Variants in EPN1 observed in about 807,000 individuals in gnomAD.
EPN1 encodes the protein epsin 1.
Under a neutral mutation model 56.9 loss-of-function variants are expected in EPN1, and 25 were observed. The observed-to-expected ratio is 0.44, with a 90% CI of 0.32 to 0.61. The LOEUF is 0.61. Among genes scored for constraint, EPN1 ranks in the 20% least tolerant of loss-of-function variants. EPN1 has a pLI of 0.05. For missense variants in EPN1, 785 were observed against 823.7 expected, an observed-to-expected ratio of 0.95 and a Z score of 0.58; for synonymous variants, 411 against 361.8, an observed-to-expected ratio of 1.14 and a Z score of -1.54.
chr19:55,678,551 C>T lies in EPN1; in HGVS notation c.-77C>T, dbSNP rs750752386. 9.7e-6 allele frequency: 15 copies of T among 1,547,504 alleles called. No individual in the cohort carries two copies. Among genetic ancestry groups the T allele is most frequent in the Admixed American group, 5.9e-5 (3 of 51,150 alleles). On this transcript the variant is annotated 5_prime_UTR_variant, in exon 2 of 11. Transcript: ENST00000270460. ...GATGCGGTGACCTGCCAGCACCTGC[C>T]GCAGCCTTCGTCCGGGAGTCGCCCC...
rs1282129137 is a variant in EPN1 at position 55,689,018 on chromosome 19, G to A, written c.603+24G>A. Reference sequence around the variant, plus strand: ...AGGTACTGGGCGTGCAGCTGGGGCTGTCTGTCCGCCACCCGCCTCCACGCC... The same window carrying A: ...AGGTACTGGGCGTGCAGCTGGGGCTATCTGTCCGCCACCCGCCTCCACGCC... On this transcript the variant is annotated intron_variant, in intron 4 of 10. Transcript: ENST00000270460. The surrounding 1 kb of genome is among the most constrained non-coding windows in gnomAD (Gnocchi z 5.7). The A allele has an allele frequency of 6.4e-7, 1 of 1,573,564 alleles. No individual in the cohort carries two copies. Among genetic ancestry groups the A allele is most frequent in the Non-Finnish European group, 8.6e-7 (1 of 1,162,804 alleles).
chr19:55,685,515 C>T lies in EPN1; in HGVS notation c.348C>T (p.Gly116=), dbSNP rs201728534. The T allele has an allele frequency of 5.8e-4, 942 of 1,612,806 alleles. 9 individuals are homozygous for T. The highest frequency in any genetic ancestry group is 1.3e-4 in the Non-Finnish European group (152 of 1,179,512). Residue 116 remains glycine, a synonymous_variant, in exon 3 of 11, where the codon GGC becomes GGT. Transcript: ENST00000270460. ...LKDFQYVDRD[G]KDQGVNVREK... is the part of the protein sequence containing the mutation. ...ACTTCCAGTACGTGGACCGCGACGGCAAGGACCAGGGCGTGAACGTGCGTG... is the reference window on the plus strand; with the variant it reads ...ACTTCCAGTACGTGGACCGCGACGGTAAGGACCAGGGCGTGAACGTGCGTG...
chr19:55,692,585 G>A (rs957287119), intron 7 of EPN1, 101 bp from the exon 8 acceptor site: 1 of 746,736 alleles, frequency 1.3e-6, no homozygotes, highest in Non-Finnish European at 2.1e-6. Flanking sequence ...GGGGCAGGGG[G>A]GCTTTTGTGT....
In EPN1 at chr19:55,693,358, G is replaced by A. The variant is rs940026349; in HGVS notation, c.1264+321G>A. 7.8e-5 allele frequency: 26 copies of A among 332,558 alleles called. No homozygotes were observed. In the Admixed American group the frequency reaches 8.3e-4, roughly 11 times the overall value. The allele number at this position is 332,558 out of a possible 1,614,324, so 20.6% of individuals were successfully genotyped here. On this transcript the variant is annotated intron_variant, in intron 9 of 10. Transcript: ENST00000270460. Reference sequence around the variant, plus strand: ...ACTCTCCAGGTGTCTCAAAGAACACGGACTGTCTTGTCCTGTGCAGTGAGC... The same window carrying A: ...ACTCTCCAGGTGTCTCAAAGAACACAGACTGTCTTGTCCTGTGCAGTGAGC...
In EPN1 at chr19:55,692,670, T is replaced by C; in HGVS notation, c.1067-16T>C. ...TCAAGGTTGCCAGCCCCTCATGCTC[T>C]TCTGTCCTCACCCAGGTGGGGTCCC... is the stretch of plus-strand genomic sequence containing the variant. On this transcript the variant is annotated splice_polypyrimidine_tract_variant and intron_variant, in intron 7 of 10. Coordinates refer to ENST00000270460, the MANE Select transcript of EPN1 (RefSeq NM_001130072.2). 6.6e-7 allele frequency: 1 copy of C among 1,508,364 alleles called. No homozygotes were observed. The allele number at this position is 1,508,364 out of a possible 1,614,324, so 93.4% of individuals were successfully genotyped here.
At chr19:55,688,514 C>G (rs547778853) in intron 3 of EPN1, among the ~76,000 whole-genome samples, 1 of 152,284 alleles carries the variant, frequency 6.6e-6, no homozygotes, top group African/African-American at 2.4e-5. Context: ...GAGGAAGGAC[C>G]TCCCATCCCC....
rs1349257249 is a variant in EPN1 at position 55,685,443 on chromosome 19, G to A, written c.276G>A (p.Val92=). Residue 92 remains valine, a synonymous_variant, in exon 3 of 11, where the codon GTG becomes GTA. Transcript: ENST00000270460. The stretch of plus-strand genomic sequence containing the variant: ...TCATCAAGACCGGCTCGGAGCGCGT[G>A]TCGCAGCAGTGCAAGGAGAACATGT... ...EYLIKTGSER[V]SQQCKENMYA... The A allele has an allele frequency of 1.2e-6, 2 of 1,610,498 alleles. No individual in the cohort carries two copies. Among genetic ancestry groups the A allele is most frequent in the Non-Finnish European group, 1.7e-6 (2 of 1,178,788 alleles).
rs1363368045 is a variant in EPN1, at chr19:55,704,067, A to G, written c.*8711A>G. 2 of 152,212 alleles carry G rather than the reference A, an allele frequency of 1.3e-5. No homozygotes were observed. Among genetic ancestry groups the G allele is most frequent in the African/African-American group, 4.8e-5 (2 of 41,440 alleles). The allele number at this position is 152,212 out of a possible 1,614,324, so 9.4% of individuals were successfully genotyped here. On this transcript the variant is annotated 3_prime_UTR_variant, in exon 11 of 11. Coordinates refer to ENST00000270460, the MANE Select transcript of EPN1 (RefSeq NM_001130072.2). ...CCAGGCTTCTCGCCCACACGGAGAC[A>G]GTCGCTCTCACACGTACCTCTCGCG...
intron 7 of EPN1, 53 bp from the exon 8 acceptor site, chr19:55,692,633 C>G (rs1445932739): frequency 8.1e-7 from 1 of 1,231,854 alleles, no homozygotes; most frequent in Admixed American, 2.7e-5. Flanking sequence ...TCCTCCCTAG[C>G]CATCTGGGCA....
rs776951435 is a variant in EPN1, at chr19:55,678,750, A to C, written c.123A>C (p.Ser41=). 1 of 1,614,198 alleles carries C rather than the reference A, an allele frequency of 6.2e-7. No homozygotes were observed. The highest frequency in any genetic ancestry group is 8.5e-7 in the Non-Finnish European group (1 of 1,180,024). The change falls in exon 2 of 11, where the codon TCA becomes TCC. Residue 41 remains serine (S), a synonymous_variant. Transcript: ENST00000270460. ...DPWGPSSSLM[S]EIADLTYNVV... Reference sequence around the variant, plus strand: ...GGGGCCCATCCAGCTCCCTCATGTCAGAGATTGCCGACCTCACCTACAACG... The same window carrying C: ...GGGGCCCATCCAGCTCCCTCATGTCCGAGATTGCCGACCTCACCTACAACG...
chr19:55,692,647 A>G lies in EPN1; in HGVS notation c.1067-39A>G, dbSNP rs1001561318. The G allele has an allele frequency of 4.4e-6, 6 of 1,377,640 alleles. No individual in the cohort carries two copies. The African/African-American group carries it at 5.8e-5, about 13-fold the overall frequency. The allele number at this position is 1,377,640 out of a possible 1,614,324, so 85.3% of individuals were successfully genotyped here. A position where few individuals can be genotyped will look rare whatever the true frequency, so the allele number is the denominator to read the frequency against. The stretch of plus-strand genomic sequence containing the variant: ...GTCCTCCCTAGCCATCTGGGCAGTC[A>G]AGGTTGCCAGCCCCTCATGCTCTTC... On this transcript the variant is annotated intron_variant, in intron 7 of 10. Transcript: ENST00000270460.
chr19:55,695,630 T>G lies in EPN1; in HGVS notation c.*274T>G. The G allele has an allele frequency of 2.2e-6, 1 of 456,058 alleles. No homozygotes were observed. The highest frequency in any genetic ancestry group is 3.9e-6 in the Non-Finnish European group (1 of 259,550). The allele number at this position is 456,058 out of a possible 1,614,324, so 28.3% of individuals were successfully genotyped here. ...GGCTGGGGCCCCCACCCATTCCCCC[T>G]CCCTCCAAACTCCCAACCCCCAGTC... On this transcript the variant is annotated 3_prime_UTR_variant, in exon 11 of 11. Transcript: ENST00000270460. This position sits in a 1 kb window ranked among gnomAD's most constrained non-coding sequence, Gnocchi z 4.4.
At position 55,705,609 on chromosome 19, in the gene EPN1, A is replaced by G. The variant is rs994001458; in HGVS notation, c.*10253A>G. 6.6e-6 allele frequency: 1 copy of G among 152,192 alleles called. No individual in the cohort carries two copies. The highest frequency in any genetic ancestry group is 2.4e-5 in the African/African-American group (1 of 41,422). The allele number at this position is 152,192 out of a possible 1,614,324, so 9.4% of individuals were successfully genotyped here. A position where few individuals can be genotyped will look rare whatever the true frequency, so the allele number is the denominator to read the frequency against. On this transcript the variant is annotated 3_prime_UTR_variant, in exon 11 of 11. Coordinates refer to ENST00000270460, the MANE Select transcript of EPN1 (RefSeq NM_001130072.2). ...GGTTGCAGTGAGCCGAGATCGCACC[A>G]TTGCACTCCAGCATGGACAACAGAG... is the stretch of plus-strand genomic sequence containing the variant.
intron 1 of EPN1, among the ~76,000 whole-genome samples, chr19:55,678,271 C>G (rs1348504636): frequency 2.0e-5 from 3 of 152,226 alleles, no homozygotes. Flanking sequence ...CCAGGGTGGC[C>G]TTGCCAGGAA....
In EPN1 at chr19:55,695,225, C is replaced by T. The variant is rs368790286; in HGVS notation, c.1600C>T (p.Arg534Cys). The change falls in exon 11 of 11, where the codon CGT becomes TGT. Residue 534 changes from arginine to cysteine, a missense_variant. Physicochemically the swap from Arg to Cys is radical, Grantham distance 180 (BLOSUM62 -3). Coordinates refer to ENST00000270460, the MANE Select transcript of EPN1 (RefSeq NM_001130072.2). The surrounding 1 kb of genome is among the most constrained non-coding windows in gnomAD (Gnocchi z 4.4). Reference sequence around the variant, plus strand: ...CGCGACGCTCACCCTGAACCAGCTCCGTCTCAGTCCTGTGCCTCCCGTCCC... The same window carrying T: ...CGCGACGCTCACCCTGAACCAGCTCTGTCTCAGTCCTGTGCCTCCCGTCCC... ...PPATLTLNQL[R>C]LSPVPPVPGA... The T allele has an allele frequency of 2.7e-5, 43 of 1,613,168 alleles. No individual in the cohort carries two copies. The highest frequency in any genetic ancestry group is 2.1e-4 in the South Asian group (19 of 91,074).
Position 55,701,956 on chromosome 19 carries a change from ATT to A in EPN1, c.*6601_*6602del, listed in dbSNP as rs1987161557. The A allele has an allele frequency of 1.0e-5, 1 of 95,576 alleles. No individual in the cohort carries two copies. Among genetic ancestry groups the A allele is most frequent in the Non-Finnish European group, 2.0e-5 (1 of 49,688 alleles). The allele number at this position is 95,576 out of a possible 1,614,324, so 5.9% of individuals were successfully genotyped here. On this transcript the variant is annotated 3_prime_UTR_variant, in exon 11 of 11. Coordinates refer to ENST00000270460, the MANE Select transcript of EPN1 (RefSeq NM_001130072.2). Reference sequence around the variant, plus strand: ...CAGAGTCTCTAGCAGCCCCCACCCCATTCTTTTTTTTTTTTTTTTTTTTGAGA... The same window carrying A: ...CAGAGTCTCTAGCAGCCCCCACCCCACTTTTTTTTTTTTTTTTTTTTGAGA...
rs1460649275 is a variant in EPN1 at position 55,700,320 on chromosome 19, C to T, written c.*4964C>T. 3 of 150,148 alleles carry T rather than the reference C, an allele frequency of 2.0e-5. 1 individual carries two copies. The highest frequency in any genetic ancestry group is 7.6e-5 in the African/African-American group (3 of 39,482). The allele number at this position is 150,148 out of a possible 1,614,324, so 9.3% of individuals were successfully genotyped here. Reference sequence around the variant, plus strand: ...TTGAGATGGAGTCTTGCTCTCGTCCCCCAGGCTGGAGTGCAGTGGCGCGAT... The same window carrying T: ...TTGAGATGGAGTCTTGCTCTCGTCCTCCAGGCTGGAGTGCAGTGGCGCGAT... On this transcript the variant is annotated 3_prime_UTR_variant, in exon 11 of 11. Coordinates refer to ENST00000270460, the MANE Select transcript of EPN1 (RefSeq NM_001130072.2).
chr19:55,679,852 C>T (rs1427548031), intron 2 of EPN1, among the ~76,000 whole-genome samples: 3 of 152,042 alleles, frequency 2.0e-5, no homozygotes, highest in Middle Eastern at 3.4e-3. Flanking sequence ...GGCTGGGTGG[C>T]GTTTGTTTAG....
chr19:55,677,858 C>T, intron 1 of EPN1: 1 of 1,258,958 alleles, frequency 7.9e-7, no homozygotes, highest in Non-Finnish European at 1.0e-6. Context: ...CCTGCCCTCC[C>T]TCTCCACTTC....
Sources: gnomAD v4.1 joint callset for allele counts (sites outside exome capture counted in the v4.1 genomes callset) on GRCh38, gnomAD v4.1.1 for gene constraint, Gnocchi (gnomAD v3.1) non-coding constraint, MANE v1.5 for transcripts, NCBI Gene and HGNC (gene_info 2026-07-23, HGNC 2026-07-21) for gene names.